NUP160: variants seen among roughly 807,000 people sequenced by gnomAD.
NUP160 encodes nuclear pore complex protein Nup160.
In NUP160, 94 loss-of-function variants were observed where a neutral mutation model predicts 196.9. The ratio of observed to expected loss-of-function variants is 0.48; its 90% confidence interval spans 0.40 to 0.57. The LOEUF (loss-of-function observed/expected upper bound fraction) is 0.57. Ranked by LOEUF, NUP160 falls within the 20% of genes least tolerant of loss-of-function variation. NUP160 has a pLI of 0.00. For synonymous variants in NUP160, 605 were observed against 619.7 expected (o/e 0.98, Z 0.35); for missense variants, 1,638 against 1,748.3 (o/e 0.94, Z 1.13).
At chr11:47,802,182 C>G (rs2097674542) in intron 22 of NUP160, among the ~76,000 whole-genome samples, 1 of 152,166 alleles carries the variant, frequency 6.6e-6, no homozygotes, top group Non-Finnish European at 1.5e-5. Context: ...CCTGTAATCC[C>G]AGCACTTCGG....
intron 7 of NUP160, among the ~76,000 whole-genome samples, chr11:47,833,354 C>G (rs1416342118): frequency 6.6e-6 from 1 of 151,656 alleles, no homozygotes; most frequent in East Asian, 1.9e-4. Context: ...ACTGTGGAGG[C>G]TGATGAAGGA....
intron 7 of NUP160, chr11:47,826,946 G>A (rs1851980716): frequency 2.3e-6 from 1 of 428,364 alleles, no homozygotes; most frequent in African/African-American, 2.1e-5. Flanking sequence ...ATCAGTGGTG[G>A]GTAAAATTAC....
intron 7 of NUP160, among the ~76,000 whole-genome samples, chr11:47,831,319 AC>A (rs1852068388): frequency 6.6e-6 from 1 of 152,230 alleles, no homozygotes; most frequent in Non-Finnish European, 1.5e-5. Flanking sequence ...AATACTTCAT[AC>A]CCACTAGGAT....
At chr11:47,807,221 C>T (rs983975395) in intron 18 of NUP160, 81 bp from the exon 19 acceptor site, 50 of 835,852 alleles carry the variant, frequency 6.0e-5, no homozygotes, top group Non-Finnish European at 9.3e-5. Context: ...ACGAAGAACA[C>T]TGTCAATTTA....
intron 7 of NUP160, among the ~76,000 whole-genome samples, chr11:47,831,582 G>A (rs71475992): frequency 1.3e-4 from 20 of 151,312 alleles, no homozygotes; most frequent in Non-Finnish European, 2.5e-4. Context: ...AGTGGCTCAC[G>A]CCTGTAATCC....
chr11:47,817,863 C>A (rs938007957), intron 11 of NUP160, among the ~76,000 whole-genome samples, 193 bp downstream of exon 11: 4 of 152,018 alleles, frequency 2.6e-5, no homozygotes, highest in African/African-American at 9.7e-5. Context: ...GGTCCCCCCT[C>A]CAACCTCTCC....
chr11:47,786,484 G>A lies in NUP160; in HGVS notation c.3817C>T (p.Leu1273Phe), dbSNP rs570136538. 12 of 1,613,824 alleles carry A rather than the reference G, an allele frequency of 7.4e-6. No homozygotes were observed. The highest frequency in any genetic ancestry group is 1.0e-5 in the Non-Finnish European group (12 of 1,179,728). Residue 1273 changes from leucine to phenylalanine, a missense_variant, in exon 32 of 36, where the codon CTC (leucine) becomes TTC (phenylalanine). Transcript: ENST00000378460. ...TCCTTAGTAGTGATGACAGATGAGAGCTGATTGGCTGCTAGCCAGGCCCAG... is the reference window on the plus strand; with the variant it reads ...TCCTTAGTAGTGATGACAGATGAGAACTGATTGGCTGCTAGCCAGGCCCAG...
chr11:47,807,356 G>A (rs560741527), intron 18 of NUP160, among the ~76,000 whole-genome samples: 3 of 152,226 alleles, frequency 2.0e-5, no homozygotes, highest in East Asian at 3.9e-4. Context: ...CAAACAGGAT[G>A]GTTTATCTTA....
In NUP160 at chr11:47,808,263, A is replaced by T. The variant is rs186768428; in HGVS notation, c.2375+133T>A. 4.2e-5 allele frequency: 32 copies of T among 757,676 alleles called. No homozygotes were observed. In the East Asian group the frequency reaches 8.8e-4, roughly 21 times the overall value. 46.9% of individuals were successfully genotyped at this position (757,676 alleles called of 1,614,324 possible). A position where few individuals can be genotyped will look rare whatever the true frequency, so the allele number is the denominator to read the frequency against. ...GCCATTGCACTCCGGCCTGGGTGAG[A>T]GAGAGCGAGACTCTGTCTCAAAACA... On this transcript the variant is annotated intron_variant, in intron 18 of 35. Coordinates refer to ENST00000378460, the Ensembl canonical transcript of NUP160.
chr11:47,807,230 TA>T, intron 18 of NUP160, 90 bp from the exon 19 acceptor site: 3 of 776,624 alleles, frequency 3.9e-6, no homozygotes, highest in Non-Finnish European at 6.4e-6. Context: ...ACTGTCAATT[TA>T]ATTAATAAAT....
In NUP160 at chr11:47,847,880, CAACT is replaced by C; in HGVS notation, c.278_281del (p.Lys93SerfsTer4). 1 of 1,613,952 alleles carries C rather than the reference CAACT, an allele frequency of 6.2e-7. No individual in the cohort carries two copies. The highest frequency in any genetic ancestry group is 8.5e-7 in the Non-Finnish European group (1 of 1,179,830). On this transcript the variant is annotated frameshift_variant, in exon 2 of 36. Coordinates refer to ENST00000378460, the Ensembl canonical transcript of NUP160. LOFTEE classifies it high-confidence loss of function. Reference sequence around the variant, plus strand: ...TGAACCTGTTTCTGGTTACGGAGAACAACTTGCCACTCTCCACGTAGTAAAAGCC... The same window carrying C: ...TGAACCTGTTTCTGGTTACGGAGAACTGCCACTCTCCACGTAGTAAAAGCC...
chr11:47,835,617 G>T, intron 7 of NUP160, 34 bp downstream of exon 7: 1 of 1,515,644 alleles, frequency 6.6e-7, no homozygotes, highest in Non-Finnish European at 8.9e-7. Flanking sequence ...AGTACACACA[G>T]AATAACTTGG....
chr11:47,845,438 C>A (rs957179166), intron 2 of NUP160, among the ~76,000 whole-genome samples: 1 of 152,284 alleles, frequency 6.6e-6, no homozygotes, highest in Admixed American at 6.5e-5. Context: ...CCATGCCTGG[C>A]TTCCTTTACT....
chr11:47,822,574 C>CTTT (rs74613052), intron 7 of NUP160, among the ~76,000 whole-genome samples: 1 of 142,550 alleles, frequency 7.0e-6, no homozygotes, highest in Non-Finnish European at 1.5e-5. Context: ...TTTTTCTTTT[C>CTTT]TTTTTTTTTT....
intron 7 of NUP160, among the ~76,000 whole-genome samples, chr11:47,831,880 G>T (rs1288018934): frequency 2.4e-5 from 3 of 123,554 alleles, no homozygotes; most frequent in Non-Finnish European, 4.9e-5. Flanking sequence ...AGACAGATCT[G>T]ATCTAATAAA....
At chr11:47,818,540 CAAACAAAACAAAACA>C (rs201043142) in intron 10 of NUP160, among the ~76,000 whole-genome samples, 2 of 128,270 alleles carry the variant, frequency 1.6e-5, no homozygotes, top group South Asian at 6.0e-4. Context: ...GTATTATATG[CAAACAAAACAAAACA>C]AAACAAAACA....
chr11:47,814,939 A>G (rs2097683450), intron 13 of NUP160, among the ~76,000 whole-genome samples: 1 of 152,246 alleles, frequency 6.6e-6, no homozygotes, highest in African/African-American at 2.4e-5. Flanking sequence ...TTCAATATAA[A>G]AAGTAAATAG....
At chr11:47,846,371 A>C (rs1852403498) in intron 2 of NUP160, among the ~76,000 whole-genome samples, 1 of 152,160 alleles carries the variant, frequency 6.6e-6, no homozygotes, top group Non-Finnish European at 1.5e-5. Context: ...GACATTTCCA[A>C]AGGGCTGCTC....
chr11:47,828,440 T>TAA (rs1249991541), intron 7 of NUP160, among the ~76,000 whole-genome samples: 1 of 152,152 alleles, frequency 6.6e-6, no homozygotes, highest in Middle Eastern at 3.2e-3. Flanking sequence ...GTATAAAACT[T>TAA]ACACTCTGAA....
Sources: allele counts gnomAD v4.1 joint callset (sites outside exome capture counted in the v4.1 genomes callset), GRCh38; gene constraint gnomAD v4.1.1; transcripts MANE v1.5; gene names NCBI Gene and HGNC (gene_info 2026-07-23, HGNC 2026-07-21).